JAZF1: variants seen among roughly 807,000 people sequenced by gnomAD.
JAZF1 encodes the protein juxtaposed with another zinc finger protein 1.
JAZF1 carries 8 observed loss-of-function variants against 26.4 expected under a neutral mutation model. That is an observed-to-expected ratio of 0.30 (90% CI 0.18 to 0.55). JAZF1 has a LOEUF of 0.55. Among genes scored for constraint, JAZF1 ranks in the 20% least tolerant of loss-of-function variants. The pLI, the probability that JAZF1 is intolerant of heterozygous loss-of-function variation, is 0.94. For missense variants in JAZF1, 199 were observed against 322.0 expected, an observed-to-expected ratio of 0.62 and a Z score of 2.92; for synonymous variants, 126 against 122.3, an observed-to-expected ratio of 1.03 and a Z score of -0.20.
chr7:27,986,706 G>A (rs979141843), intron 2 of JAZF1, among the ~76,000 whole-genome samples: 1 of 145,558 alleles, frequency 6.9e-6, no homozygotes, highest in African/African-American at 2.6e-5. Context: ...CTGATGCCGA[G>A]CTGAGGCTGG....
intron 1 of JAZF1, among the ~76,000 whole-genome samples, chr7:28,149,171 G>C (rs1157896856): frequency 6.6e-6 from 1 of 152,144 alleles, no homozygotes; most frequent in African/African-American, 2.4e-5. Context: ...CTGGGCTGCA[G>C]AGCCTGTAAA....
chr7:27,906,852 C>G (rs114692208), intron 2 of JAZF1, among the ~76,000 whole-genome samples: 2 of 152,126 alleles, frequency 1.3e-5, no homozygotes, highest in African/African-American at 4.8e-5. Context: ...TTGACATCCA[C>G]GTAAAGACTA....
intron 3 of JAZF1, among the ~76,000 whole-genome samples, chr7:27,853,319 T>C (rs1350433399): frequency 1.3e-5 from 2 of 152,168 alleles, no homozygotes; most frequent in African/African-American, 2.4e-5. Flanking sequence ...GTAGGGGCCA[T>C]TGTGTATGTG....
chr7:27,946,529 G>T (rs1784926603), intron 2 of JAZF1, among the ~76,000 whole-genome samples: 1 of 152,180 alleles, frequency 6.6e-6, no homozygotes, highest in East Asian at 1.9e-4. Flanking sequence ...GATTTTCCTT[G>T]AAGTTTTGGA....
intron 2 of JAZF1, among the ~76,000 whole-genome samples, chr7:27,978,893 T>G (rs1000130796): frequency 2.0e-5 from 3 of 149,072 alleles, no homozygotes; most frequent in African/African-American, 7.4e-5. Context: ...GTGTGTGTGT[T>G]TTTTGGGGGG....
Position 27,962,076 on chromosome 7 carries a change from T to C in JAZF1, c.188+29833A>G, listed in dbSNP as rs115493995. The stretch of plus-strand genomic sequence containing the variant: ...ATTTAAATAGTGATCATAAACACTC[T>C]TTGCTTTTTCATATCAACTTTTGTT... On this transcript the variant is annotated intron_variant, in intron 2 of 4. Transcript: ENST00000283928. 1.1e-3 allele frequency among the ~76,000 whole-genome samples: 170 copies of C among 152,346 alleles called. 1 individual carries two copies. Among genetic ancestry groups the C allele is most frequent in the African/African-American group, 3.7e-3 (154 of 41,584 alleles).
intron 2 of JAZF1, among the ~76,000 whole-genome samples, chr7:27,897,131 C>A (rs1450732246): frequency 6.6e-6 from 1 of 152,080 alleles, no homozygotes; most frequent in Non-Finnish European, 1.5e-5. Flanking sequence ...TGGTGCTGAG[C>A]TTCTCACACT....
intron 1 of JAZF1, among the ~76,000 whole-genome samples, chr7:28,147,685 C>CA (rs113127778): frequency 0.22 from 27,622 of 126,952 alleles, 3,542 homozygotes; most frequent in African/African-American, 0.37. Flanking sequence ...CCATCTCTAC[C>CA]AAAAAAAAAA....
rs967018168 is a variant in JAZF1, at chr7:27,975,246, G to A, written c.188+16663C>T. ...GCAGGTGTGTCACATGTTAAGGGCA[G>A]GAGCAAGAGGAGGGGGAGGTACCAC... On this transcript the variant is annotated intron_variant, in intron 2 of 4. Transcript: ENST00000283928. 5.3e-5 allele frequency among the ~76,000 whole-genome samples: 8 copies of A among 152,096 alleles called. 1 individual carries two copies. The South Asian group carries it at 1.7e-3, about 32-fold the overall frequency.
chr7:28,091,441 A>G (rs943492169), intron 1 of JAZF1, among the ~76,000 whole-genome samples: 1 of 151,900 alleles, frequency 6.6e-6, no homozygotes, highest in African/African-American at 2.4e-5. Context: ...GAACATTCTT[A>G]AAATAGTTTA....
intron 1 of JAZF1, among the ~76,000 whole-genome samples, chr7:28,110,515 A>AAAAGG (rs1221937406): frequency 0.031 from 1,767 of 57,848 alleles, 44 homozygotes; most frequent in African/African-American, 0.093. Context: ...AAAGGAAAGG[A>AAAAGG]AAAGGAAAAG....
chr7:27,943,486 C>T (rs1222830203), intron 2 of JAZF1, among the ~76,000 whole-genome samples: 4 of 152,156 alleles, frequency 2.6e-5, no homozygotes, highest in South Asian at 2.1e-4. Flanking sequence ...CGATCATTTC[C>T]GTCTGAAATA....
rs1030242056 is a variant in JAZF1, at chr7:28,043,500, A to T, written c.116-51519T>A. 4.6e-5 allele frequency among the ~76,000 whole-genome samples: 7 copies of T among 152,270 alleles called. 1 individual carries two copies. The South Asian group carries it at 1.5e-3, about 32-fold the overall frequency. On this transcript the variant is annotated intron_variant, in intron 1 of 4. Transcript: ENST00000283928. ...CCTGGCCTAGACAAGGGCTGGATAC[A>T]TGAGTTGGTGTTTGTTTTCAGAAAC... is the stretch of plus-strand genomic sequence containing the variant.
At chr7:27,898,581 G>T (rs895948277) in intron 2 of JAZF1, among the ~76,000 whole-genome samples, 1 of 151,946 alleles carries the variant, frequency 6.6e-6, no homozygotes, top group African/African-American at 2.4e-5. Flanking sequence ...TGGGATTACA[G>T]AACTCATACC....
intron 1 of JAZF1, among the ~76,000 whole-genome samples, chr7:28,040,477 T>C (rs1783370592): frequency 6.6e-6 from 1 of 152,152 alleles, no homozygotes; most frequent in African/African-American, 2.4e-5. Context: ...AGGAAGAACT[T>C]ATGTCAAGTC....
intron 2 of JAZF1, among the ~76,000 whole-genome samples, chr7:27,984,663 T>C (rs1358204601): frequency 1.3e-5 from 2 of 152,164 alleles, no homozygotes; most frequent in African/African-American, 4.8e-5. Context: ...CTTCTCAGCA[T>C]CACATTGCAC....
At chr7:27,963,205 T>C (rs1418048788) in intron 2 of JAZF1, among the ~76,000 whole-genome samples, 3 of 152,244 alleles carry the variant, frequency 2.0e-5, no homozygotes, top group South Asian at 4.1e-4. Flanking sequence ...TACAGCATTC[T>C]GCAAACATTT....
intron 1 of JAZF1, among the ~76,000 whole-genome samples, chr7:28,022,943 C>CAT (rs915264363): frequency 6.6e-6 from 1 of 152,116 alleles, no homozygotes; most frequent in Non-Finnish European, 1.5e-5. Context: ...TACCAAATTA[C>CAT]ATAAAGCTGT....
chr7:28,061,513 A>C (rs1448161388), intron 1 of JAZF1, among the ~76,000 whole-genome samples: 2 of 152,244 alleles, frequency 1.3e-5, no homozygotes, highest in Non-Finnish European at 2.9e-5. Flanking sequence ...ATGAAAGTAA[A>C]AAGCATTAAT....
Sources: allele counts gnomAD v4.1 joint callset (sites outside exome capture counted in the v4.1 genomes callset), GRCh38; gene constraint gnomAD v4.1.1; transcripts MANE v1.5; gene names NCBI Gene and HGNC (gene_info 2026-07-23, HGNC 2026-07-21).